The following BRWD1 variants were observed in gnomAD, a reference collection of about 807,000 sequenced individuals.
BRWD1 encodes bromodomain and WD repeat domain containing 1.
Under a neutral mutation model 251.2 loss-of-function variants are expected in BRWD1, and 82 were observed. The observed-to-expected ratio is 0.33, with a 90% confidence interval of 0.27 to 0.39. The LOEUF (loss-of-function observed/expected upper bound fraction) is 0.39, where lower values mean the gene tolerates loss of function less well. BRWD1 is among the 10% of genes least tolerant of loss of function. The pLI is 1.00. For missense variants in BRWD1, 2,233 were observed against 2,711.6 expected (o/e 0.82, Z 3.92); for synonymous variants, 918 against 902.8 (o/e 1.02, Z -0.30).
chr21:39,225,280 A>C, intron 27 of BRWD1, 83 bp from the exon 28 acceptor site: 1 of 891,824 alleles, frequency 1.1e-6, no homozygotes, highest in Non-Finnish European at 1.6e-6. Flanking sequence ...ACCATATGAT[A>C]CAGATAAAAA....
At chr21:39,224,125 C>T (rs1223196221) in intron 29 of BRWD1, among the ~76,000 whole-genome samples, 2 of 152,212 alleles carry the variant, frequency 1.3e-5, no homozygotes, top group African/African-American at 2.4e-5. Context: ...GCTGAGATTA[C>T]AGGCGTGAGC....
intron 8 of BRWD1, among the ~76,000 whole-genome samples, chr21:39,282,277 T>A (rs1174207909): frequency 6.6e-6 from 1 of 151,206 alleles, no homozygotes. Flanking sequence ...CAAGAAACAT[T>A]CAAGACAAAG....
intron 8 of BRWD1, among the ~76,000 whole-genome samples, chr21:39,287,591 G>T (rs2035680765): frequency 6.6e-6 from 1 of 152,084 alleles, no homozygotes; most frequent in East Asian, 1.9e-4. Flanking sequence ...AGGATATGTA[G>T]TGATACCCCT....
chr21:39,269,737 C>A (rs1007688888), intron 15 of BRWD1, among the ~76,000 whole-genome samples, 162 bp downstream of exon 15: 2 of 152,058 alleles, frequency 1.3e-5, no homozygotes, highest in African/African-American at 2.4e-5. Context: ...CATGTATGTA[C>A]GTATATACAT....
chr21:39,292,355 A>AG (rs1386171144), intron 8 of BRWD1, among the ~76,000 whole-genome samples: 1 of 152,202 alleles, frequency 6.6e-6, no homozygotes, highest in Non-Finnish European at 1.5e-5. Context: ...ACCGTGCACT[A>AG]GTAAGAGTAA....
At chr21:39,206,707 T>G (rs540584447) in intron 36 of BRWD1, among the ~76,000 whole-genome samples, 151 of 152,312 alleles carry the variant, frequency 9.9e-4, no homozygotes, top group Middle Eastern at 3.4e-3. Context: ...CATCTCTGTC[T>G]GCAATCTGTT....
In BRWD1 at chr21:39,225,211, G is replaced by A. The variant is rs1279596482; in HGVS notation, c.3209-14C>T. On this transcript the variant is annotated splice_polypyrimidine_tract_variant and intron_variant, in intron 27 of 40. Transcript: ENST00000342449. Reference sequence around the variant, plus strand: ...GGAATCTGTCACCTAGGAGAGAAATGATCAAGTCTGAGGCATTTCTCTGCT... The same window carrying A: ...GGAATCTGTCACCTAGGAGAGAAATAATCAAGTCTGAGGCATTTCTCTGCT... The A allele has an allele frequency of 1.4e-5, 21 of 1,544,870 alleles. No individual in the cohort carries two copies. The highest frequency in any genetic ancestry group is 1.9e-5 in the Non-Finnish European group (21 of 1,117,954).
chr21:39,251,195 T>G (rs1358807238), intron 19 of BRWD1, among the ~76,000 whole-genome samples: 1 of 152,192 alleles, frequency 6.6e-6, no homozygotes, highest in Non-Finnish European at 1.5e-5. Context: ...TTTCCAAGAT[T>G]GCAATTCCTT....
chr21:39,319,659 A>G (rs2036729829), intron 1 of BRWD1, among the ~76,000 whole-genome samples: 1 of 152,210 alleles, frequency 6.6e-6, no homozygotes, highest in South Asian at 2.1e-4. Context: ...TGAGACAGCT[A>G]GAGGTGTTTG....
At chr21:39,223,942 G>A (rs948304027) in intron 29 of BRWD1, among the ~76,000 whole-genome samples, 16 of 152,094 alleles carry the variant, frequency 1.1e-4, no homozygotes, top group East Asian at 3.9e-4. Context: ...TCTGCCTCCC[G>A]GGTTCAAACA....
At chr21:39,270,699 C>T (rs566582556) in intron 13 of BRWD1, among the ~76,000 whole-genome samples, 1 of 152,230 alleles carries the variant, frequency 6.6e-6, no homozygotes, top group Non-Finnish European at 1.5e-5. Flanking sequence ...GAAAGCAATG[C>T]TTTTTCTCCC....
At chr21:39,236,888 G>C (rs1021904013) in intron 22 of BRWD1, 104 bp from the exon 23 acceptor site, 32 of 1,021,568 alleles carry the variant, frequency 3.1e-5, no homozygotes, top group Non-Finnish European at 4.4e-5. Context: ...AAAAAGGGAA[G>C]GGAAGATACC....
intron 35 of BRWD1, 89 bp from the exon 36 acceptor site, chr21:39,210,236 A>G: frequency 8.7e-7 from 1 of 1,145,950 alleles, no homozygotes; most frequent in Non-Finnish European, 1.2e-6. Flanking sequence ...ATGTGAAATG[A>G]TGGAAGAGAG....
At chr21:39,262,658 T>C (rs1447493908) in intron 17 of BRWD1, among the ~76,000 whole-genome samples, 2 of 151,766 alleles carry the variant, frequency 1.3e-5, no homozygotes, top group Non-Finnish European at 2.9e-5. Context: ...GAGGTTGCAG[T>C]GAGCCAAGAT....
Position 39,250,835 on chromosome 21 carries a change from T to G in BRWD1, c.2310A>C (p.Ile770=), listed in dbSNP as rs1325521194. Residue 770 remains isoleucine, a synonymous_variant, in exon 20 of 41, where the codon ATA becomes ATC. Coordinates refer to ENST00000342449, the MANE Select transcript of BRWD1 (RefSeq NM_033656.4). ...EKGEEERNLY[I]IGRKRKTLQL... ...GAAGAGTCTTTCTTTTTCTTCCTAT[T>G]ATATAAAGATTTCTTTCCTCTTCAC... 2 of 1,600,164 alleles carry G rather than the reference T, an allele frequency of 1.2e-6. No individual in the cohort carries two copies. Among genetic ancestry groups the G allele is most frequent in the African/African-American group, 2.7e-5 (2 of 74,230 alleles).
chr21:39,253,418 C>T (rs370263711), intron 19 of BRWD1, among the ~76,000 whole-genome samples: 37 of 151,736 alleles, frequency 2.4e-4, no homozygotes, highest in African/African-American at 7.7e-4. Context: ...AGTCTTCCTT[C>T]GGATAAGAAA....
At chr21:39,301,875 G>A (rs1392007497) in intron 4 of BRWD1, among the ~76,000 whole-genome samples, 2 of 120,598 alleles carry the variant, frequency 1.7e-5, no homozygotes, top group Non-Finnish European at 3.2e-5. Context: ...TAAGGCAGTA[G>A]AACATCTTTA....
At chr21:39,259,667 T>C (rs2034676746) in intron 17 of BRWD1, among the ~76,000 whole-genome samples, 1 of 151,818 alleles carries the variant, frequency 6.6e-6, no homozygotes, top group Non-Finnish European at 1.5e-5. Flanking sequence ...GACCAGTCTC[T>C]ACTGAAAATA....
In BRWD1 at chr21:39,196,547, T is replaced by C; in HGVS notation, c.6522A>G (p.Thr2174=). 1.2e-6 allele frequency: 2 copies of C among 1,613,686 alleles called. No individual in the cohort carries two copies. Among genetic ancestry groups the C allele is most frequent in the Non-Finnish European group, 1.7e-6 (2 of 1,179,784 alleles). The change falls in exon 41 of 41, where the codon ACA becomes ACG. Residue 2174 remains threonine, a synonymous_variant. Transcript: ENST00000342449. Reference sequence around the variant, plus strand: ...CTTTCGTTTTCCTCCTTTTGGTTTTTGTATTATCAGTACAGTCAATATCTG... The same window carrying C: ...CTTTCGTTTTCCTCCTTTTGGTTTTCGTATTATCAGTACAGTCAATATCTG... ...TESDIDCTDN[T]KTKRRKTKGK... is the part of the protein sequence containing the mutation.
Sources: gnomAD v4.1 joint callset for allele counts (sites outside exome capture counted in the v4.1 genomes callset) on GRCh38, gnomAD v4.1.1 for gene constraint, MANE v1.5 for transcripts, NCBI Gene and HGNC (gene_info 2026-07-23, HGNC 2026-07-21) for gene names.